Variants in GMNC observed in about 807,000 individuals in gnomAD.
GMNC encodes the protein geminin coiled-coil domain-containing protein 1.
GMNC carries 16 observed loss-of-function variants against 33.6 expected under a neutral mutation model. The observed-to-expected ratio is 0.48, with a 90% CI of 0.32 to 0.72. The LOEUF is 0.72. GMNC is among the 30% of genes least tolerant of loss of function. GMNC has a pLI of 0.03. For synonymous variants in GMNC, 156 were observed against 147.3 expected, an observed-to-expected ratio of 1.06 and a Z score of -0.43; for missense variants, 393 against 388.9, an observed-to-expected ratio of 1.01 and a Z score of -0.09.
At chr3:190,845,493 T>C in the GMNC span, among the ~76,000 whole-genome samples, 1 of 151,344 alleles carries the variant, frequency 6.6e-6, no homozygotes, top group African/African-American at 2.4e-5. Context: ...TTCCTTTTGC[T>C]ATTTATTTTG....
In GMNC at chr3:190,857,790, T is replaced by A. The variant is rs909633245; in HGVS notation, c.377A>T (p.Lys126Met). Residue 126 changes from lysine to methionine, a missense_variant, in exon 4 of 5, where the codon AAG becomes ATG. By Grantham distance (95) the Lys-to-Met change is moderately conservative. Coordinates refer to ENST00000442080, the MANE Select transcript of GMNC (RefSeq NM_001146686.3). ...NSALVKCLEE[K>M]AKKLLSSDEF... Reference sequence around the variant, plus strand: ...TACATACATCATACATACCTTGGCCTTTTCTTCAAGACATTTAACCAAAGC... The same window carrying A: ...TACATACATCATACATACCTTGGCCATTTCTTCAAGACATTTAACCAAAGC... 1.3e-6 allele frequency: 2 copies of A among 1,514,590 alleles called. No homozygotes were observed. Among genetic ancestry groups the A allele is most frequent in the Admixed American group, 3.9e-5 (2 of 50,964 alleles). The allele number at this position is 1,514,590 out of a possible 1,614,324, so 93.8% of individuals were successfully genotyped here. A position where few individuals can be genotyped will look rare whatever the true frequency, so the allele number is the denominator to read the frequency against.
At position 190,861,866 on chromosome 3, in the gene GMNC, C is replaced by G. The variant is rs552169635; in HGVS notation, c.3+747G>C. 6.6e-6 allele frequency among the ~76,000 whole-genome samples: 1 copy of G among 152,258 alleles called. No individual in the cohort carries two copies. The highest frequency in any genetic ancestry group is 1.9e-4 in the East Asian group (1 of 5,176). Reference sequence around the variant, plus strand: ...AATGTTTAATCAGGTAAAAGCCATTCATTTTAGCAGAGCCCAGCTTTGGAA... The same window carrying G: ...AATGTTTAATCAGGTAAAAGCCATTGATTTTAGCAGAGCCCAGCTTTGGAA... On this transcript the variant is annotated intron_variant, in intron 1 of 4. Transcript: ENST00000442080. The surrounding 1 kb of genome is among the most constrained non-coding windows in gnomAD (Gnocchi z 5.1).
chr3:190,858,603 T>C (rs58436315), intron 3 of GMNC, among the ~76,000 whole-genome samples: 198 of 152,374 alleles, frequency 1.3e-3, no homozygotes, highest in African/African-American at 4.6e-3. Flanking sequence ...ACACTCATTA[T>C]ATCATTCGAT....
intron 4 of GMNC, among the ~76,000 whole-genome samples, chr3:190,856,431 A>ATAAATATATT (rs1560036870): frequency 2.8e-5 from 4 of 144,816 alleles, no homozygotes; most frequent in African/African-American, 1.0e-4. Context: ...ATATTAATTT[A>ATAAATATATT]TATAAGTAAA....
chr3:190,852,335 C>T (rs9883617), downstream of GMNC, among the ~76,000 whole-genome samples: 57,976 of 151,908 alleles, frequency 0.38, 12,029 homozygotes, highest in African/African-American at 0.54. Flanking sequence ...ATTCATATTG[C>T]TCCTTTTCCT....
In GMNC at chr3:190,860,784, C is replaced by A; in HGVS notation, c.78G>T (p.Thr26=). The change falls in exon 2 of 5, where the codon ACG becomes ACT. Residue 26 remains threonine, a synonymous_variant. Coordinates refer to ENST00000442080, the MANE Select transcript of GMNC (RefSeq NM_001146686.3). ...QSYNCPYSTT[T]SESSVDVSTE... is the part of the protein sequence containing the mutation. The stretch of plus-strand genomic sequence containing the variant: ...TGGAAACGTCAACACTAGATTCTGA[C>A]GTTGTAGTGGAATACGGGCAATTAT... The A allele has an allele frequency of 6.4e-7, 1 of 1,551,326 alleles. No homozygotes were observed. Among genetic ancestry groups the A allele is most frequent in the African/African-American group, 1.4e-5 (1 of 73,086 alleles).
downstream of GMNC, among the ~76,000 whole-genome samples, chr3:190,849,605 G>C (rs1737603338): frequency 6.6e-6 from 1 of 152,110 alleles, no homozygotes; most frequent in Non-Finnish European, 1.5e-5. Context: ...CTAGTCATTT[G>C]GTATTAAGGA....
At position 190,861,544 on chromosome 3, in the gene GMNC, C is replaced by G. The variant is rs1321412800; in HGVS notation, c.4-686G>C. On this transcript the variant is annotated intron_variant, in intron 1 of 4. Coordinates refer to ENST00000442080, the MANE Select transcript of GMNC (RefSeq NM_001146686.3). This position sits in a 1 kb window ranked among gnomAD's most constrained non-coding sequence, Gnocchi z 5.1. ...AGAGATAATTAAAACATTTTGCTCCCAACACTAAGCACAGGACCACAAAGC... is the reference window on the plus strand; with the variant it reads ...AGAGATAATTAAAACATTTTGCTCCGAACACTAAGCACAGGACCACAAAGC... 1.3e-5 allele frequency among the ~76,000 whole-genome samples: 2 copies of G among 152,000 alleles called. No homozygotes were observed. The highest frequency in any genetic ancestry group is 2.9e-5 in the Non-Finnish European group (2 of 67,996).
rs958231561 is a variant in GMNC at position 190,853,751 on chromosome 3, T to G, written c.*1544A>C. On this transcript the variant is annotated 3_prime_UTR_variant, in exon 5 of 5. Coordinates refer to ENST00000442080, the MANE Select transcript of GMNC (RefSeq NM_001146686.3). Reference sequence around the variant, plus strand: ...TTTGTCCAAAAAACATAGGTGCACATGCAGGATGTGCAAATTATTCTGGGA... The same window carrying G: ...TTTGTCCAAAAAACATAGGTGCACAGGCAGGATGTGCAAATTATTCTGGGA... The G allele has an allele frequency of 1.3e-5, 2 of 152,106 alleles. No homozygotes were observed. The highest frequency in any genetic ancestry group is 4.8e-5 in the African/African-American group (2 of 41,416). The allele number at this position is 152,106 out of a possible 1,614,324, so 9.4% of individuals were successfully genotyped here. A position where few individuals can be genotyped will look rare whatever the true frequency, so the allele number is the denominator to read the frequency against.
At position 190,861,706 on chromosome 3, in the gene GMNC, T is replaced by C. The variant is rs1189355061; in HGVS notation, c.4-848A>G. Among the ~76,000 whole-genome samples, 6 of 152,180 alleles carry C rather than the reference T, an allele frequency of 3.9e-5. No homozygotes were observed. The highest frequency in any genetic ancestry group is 1.4e-4 in the African/African-American group (6 of 41,448). ...TAACTGGCATGTATTCTCCACTGTG[T>C]TCTGATCCAGTGAACACTCTCCTGC... On this transcript the variant is annotated intron_variant, in intron 1 of 4. Transcript: ENST00000442080. This position sits in a 1 kb window ranked among gnomAD's most constrained non-coding sequence, Gnocchi z 5.1.
At chr3:190,857,136 A>T (rs897858950) in intron 4 of GMNC, among the ~76,000 whole-genome samples, 1 of 148,968 alleles carries the variant, frequency 6.7e-6, no homozygotes, top group African/African-American at 2.5e-5. Flanking sequence ...ATAATAAAAA[A>T]TTGAAAGGCA....
chr3:190,855,667 G>A lies in GMNC; in HGVS notation c.633C>T (p.Ala211=), dbSNP rs1437171123. The change falls in exon 5 of 5, where the codon GCC becomes GCT. Residue 211 remains alanine (A), a synonymous_variant. Coordinates refer to ENST00000442080, the MANE Select transcript of GMNC (RefSeq NM_001146686.3). ...CGACTCTTCTGGGATGAGATGCGAG[G>A]GCACTGTAGTTAGCTGATGAGGTGT... The part of the protein sequence containing the change: ...IDDTSSANYS[A]LASHPRRVAS... 7 of 1,551,460 alleles carry A rather than the reference G, an allele frequency of 4.5e-6. No homozygotes were observed. The highest frequency in any genetic ancestry group is 4.9e-5 in the East Asian group (2 of 40,928).
chr3:190,845,110 C>T, the GMNC span, among the ~76,000 whole-genome samples: 3 of 152,104 alleles, frequency 2.0e-5, no homozygotes, highest in Non-Finnish European at 4.4e-5. Context: ...GGTGTTAGTC[C>T]TATTGATTGC....
chr3:190,860,430 GA>G (rs1278686863), intron 2 of GMNC, among the ~76,000 whole-genome samples: 5 of 152,210 alleles, frequency 3.3e-5, no homozygotes, highest in Non-Finnish European at 5.9e-5. Flanking sequence ...CCCTCAGTGA[GA>G]TAGGACTCTC....
chr3:190,845,510 T>A, the GMNC span, among the ~76,000 whole-genome samples: 1 of 118,572 alleles, frequency 8.4e-6, no homozygotes, highest in Non-Finnish European at 1.7e-5. Flanking sequence ...TTTGAAACCT[T>A]TTTTTTTTTT....
intron 4 of GMNC, among the ~76,000 whole-genome samples, chr3:190,856,715 T>C (rs1737754777): frequency 6.6e-6 from 1 of 151,608 alleles, no homozygotes; most frequent in Admixed American, 6.6e-5. Flanking sequence ...GATCCTCTGA[T>C]TAAACACTAT....
the GMNC span, among the ~76,000 whole-genome samples, chr3:190,844,965 T>A: frequency 6.6e-6 from 1 of 152,074 alleles, no homozygotes; most frequent in South Asian, 2.1e-4. Context: ...TAAAATATGA[T>A]CCGTGGATAA....
At chr3:190,856,384 T>G (rs1737743200) in intron 4 of GMNC, among the ~76,000 whole-genome samples, 2 of 141,004 alleles carry the variant, frequency 1.4e-5, no homozygotes, top group African/African-American at 5.3e-5. Context: ...AATAGATATA[T>G]TTATAAATAT....
chr3:190,858,904 C>T (rs1417551145), intron 3 of GMNC, 24 bp downstream of exon 3: 2 of 1,362,680 alleles, frequency 1.5e-6, no homozygotes, highest in Non-Finnish European at 1.0e-6. Context: ...CATGACCAGT[C>T]TCAATGTTCT....
Sources: allele counts gnomAD v4.1 joint callset (sites outside exome capture counted in the v4.1 genomes callset), GRCh38; gene constraint gnomAD v4.1.1; non-coding constraint Gnocchi (gnomAD v3.1); transcripts MANE v1.5; gene names NCBI Gene and HGNC (gene_info 2026-07-23, HGNC 2026-07-21).